ATP6V1B2: variants seen among roughly 807,000 people sequenced by gnomAD.
ATP6V1B2 encodes ATPase H+ transporting V1 subunit B2.
ATP6V1B2 carries 23 observed loss-of-function variants against 66.7 expected under a neutral mutation model. That is an observed-to-expected ratio of 0.34 (90% CI 0.25 to 0.49). The LOEUF (loss-of-function observed/expected upper bound fraction) is 0.49, where lower values mean the gene tolerates loss of function less well. Among genes scored for constraint, ATP6V1B2 ranks in the 20% least tolerant of loss-of-function variants. ATP6V1B2 has a pLI of 0.99. For missense variants in ATP6V1B2, 478 were observed against 650.8 expected, an observed-to-expected ratio of 0.73 and a Z score of 2.89; for synonymous variants, 278 against 236.7, an observed-to-expected ratio of 1.17 and a Z score of -1.60.
At chr8:20,200,937 T>C (rs999271415) in intron 1 of ATP6V1B2, among the ~76,000 whole-genome samples, 2 of 152,256 alleles carry the variant, frequency 1.3e-5, no homozygotes, top group African/African-American at 4.8e-5. Context: ...ACACTTATTA[T>C]GCAATGGCTG....
In ATP6V1B2 at chr8:20,212,913, G is replaced by T. The variant is rs1418327990; in HGVS notation, c.927+8G>T. The T allele has an allele frequency of 3.7e-6, 6 of 1,612,932 alleles. No homozygotes were observed. In the South Asian group the frequency reaches 6.6e-5, roughly 18 times the overall value. ...GCTGAAGCACTTCGAGAGGTAAGTT[G>T]TTCATGTTTTTCCCTCAGTTAAACA... On this transcript the variant is annotated splice_region_variant and intron_variant, in intron 9 of 13. Transcript: ENST00000276390.
intron 12 of ATP6V1B2, among the ~76,000 whole-genome samples, chr8:20,217,634 A>G (rs2128886712): frequency 6.6e-6 from 1 of 152,300 alleles, no homozygotes; most frequent in East Asian, 1.9e-4. Flanking sequence ...GTATTCCTGA[A>G]AGGCTACTCT....
rs534020288 is a variant in ATP6V1B2 at position 20,215,041 on chromosome 8, G to T, written c.1078+73G>T. On this transcript the variant is annotated intron_variant, in intron 10 of 13. Transcript: ENST00000276390. The stretch of plus-strand genomic sequence containing the variant: ...AGAGAAGACCCATCTACCTTTTCGA[G>T]TTGAAGTTATTTTGAGAACACATCC... 12 of 1,446,242 alleles carry T rather than the reference G, an allele frequency of 8.3e-6. No individual in the cohort carries two copies. The African/African-American group carries it at 1.3e-4, about 16-fold the overall frequency. 89.6% of individuals were successfully genotyped at this position (1,446,242 alleles called of 1,614,324 possible).
chr8:20,212,272 A>G (rs1267505101), intron 8 of ATP6V1B2, 73 bp downstream of exon 8: 2 of 1,413,832 alleles, frequency 1.4e-6, no homozygotes, highest in East Asian at 4.7e-5. Context: ...TGGGGAGGTA[A>G]AATGTGGTAA....
chr8:20,197,714 A>G (rs1437570010), intron 1 of ATP6V1B2, among the ~76,000 whole-genome samples, 172 bp downstream of exon 1: 1 of 152,018 alleles, frequency 6.6e-6, no homozygotes, highest in Non-Finnish European at 1.5e-5. Context: ...TGTACCTAAT[A>G]TTTCCAGGAG....
At chr8:20,199,428 G>A (rs1011396229) in intron 1 of ATP6V1B2, among the ~76,000 whole-genome samples, 2 of 152,016 alleles carry the variant, frequency 1.3e-5, no homozygotes, top group African/African-American at 2.4e-5. Flanking sequence ...TGAAATGCCC[G>A]GTCGAGTTGA....
intron 6 of ATP6V1B2, 150 bp downstream of exon 6, chr8:20,211,466 G>A: frequency 7.7e-7 from 1 of 1,304,604 alleles, no homozygotes; most frequent in Non-Finnish European, 1.0e-6. Context: ...CTTTATTTCT[G>A]CACATGTCTT....
chr8:20,204,337 A>T (rs1374375196), intron 1 of ATP6V1B2, 147 bp from the exon 2 acceptor site: 1 of 633,060 alleles, frequency 1.6e-6, no homozygotes, highest in African/African-American at 1.9e-5. Flanking sequence ...TGTAGTTTAT[A>T]AATGCATTGA....
intron 1 of ATP6V1B2, 133 bp from the exon 2 acceptor site, chr8:20,204,351 A>G (rs754786411): frequency 2.8e-6 from 2 of 723,454 alleles, no homozygotes; most frequent in Non-Finnish European, 4.5e-6. Flanking sequence ...GCATTGAAAA[A>G]TTTTGTAGCT....
intron 12 of ATP6V1B2, among the ~76,000 whole-genome samples, chr8:20,217,805 C>G (rs1352829110): frequency 6.6e-6 from 1 of 152,008 alleles, no homozygotes; most frequent in Non-Finnish European, 1.5e-5. Flanking sequence ...GTAAACTTAG[C>G]GATATCACAG....
At position 20,220,594 on chromosome 8, in the gene ATP6V1B2, T is replaced by G; in HGVS notation, c.*192T>G. ...GCTAACAGACCTTAAAATATCCCCC[T>G]ACCTGGGTCCTCAGTGCTATGTTTA... On this transcript the variant is annotated 3_prime_UTR_variant, in exon 14 of 14. Transcript: ENST00000276390. 2.6e-6 allele frequency: 2 copies of G among 765,154 alleles called. No homozygotes were observed. The highest frequency in any genetic ancestry group is 3.8e-6 in the Non-Finnish European group (2 of 527,486). 47.4% of individuals were successfully genotyped at this position (765,154 alleles called of 1,614,324 possible). A position where few individuals can be genotyped will look rare whatever the true frequency, so the allele number is the denominator to read the frequency against.
Position 20,211,313 on chromosome 8 carries a change from T to G in ATP6V1B2, c.600T>G (p.Asn200Lys). ...TCTCTGCTGCTGGGCTACCACACAATGAGGTGAGGACTGGGATCGGTTTGC... is the reference window on the plus strand; with the variant it reads ...TCTCTGCTGCTGGGCTACCACACAAGGAGGTGAGGACTGGGATCGGTTTGC... ...PIFSAAGLPH[N>K]EIAAQICRQA... Residue 200 changes from asparagine (N) to lysine (K), a missense_variant, in exon 6 of 14, where the codon AAT becomes AAG. This residue lies in a region of ATP6V1B2 where 326 missense variants were observed against 545.6 expected (regional missense o/e 0.60). Transcript: ENST00000276390. 1 of 1,612,706 alleles carries G rather than the reference T, an allele frequency of 6.2e-7. No individual in the cohort carries two copies. Among genetic ancestry groups the G allele is most frequent in the Non-Finnish European group, 8.5e-7 (1 of 1,179,598 alleles).
intron 6 of ATP6V1B2, 82 bp from the exon 7 acceptor site, chr8:20,211,570 C>T: frequency 6.9e-7 from 1 of 1,445,992 alleles, no homozygotes; most frequent in South Asian, 1.3e-5. Flanking sequence ...GATTACGATT[C>T]CAAAAAGTTT....
rs1221516993 is a variant in ATP6V1B2, at chr8:20,211,651, G to C, written c.604-1G>C. The C allele has an allele frequency of 6.2e-7, 1 of 1,604,948 alleles. No individual in the cohort carries two copies. The highest frequency in any genetic ancestry group is 1.3e-5 in the African/African-American group (1 of 74,386). ...CTGAATTCTTCTACTTTGTTCATCA[G>C]ATTGCAGCTCAGATCTGTCGCCAGG... On this transcript the variant is annotated splice_acceptor_variant, in intron 6 of 13. Transcript: ENST00000276390. LOFTEE classifies it high-confidence loss of function.
intron 13 of ATP6V1B2, among the ~76,000 whole-genome samples, chr8:20,219,203 G>A (rs1248921171): frequency 6.6e-6 from 1 of 152,146 alleles, no homozygotes; most frequent in African/African-American, 2.4e-5. Context: ...CAGAGATTTT[G>A]CATTTCTGTG....
chr8:20,200,893 GT>G (rs1013388506), intron 1 of ATP6V1B2, among the ~76,000 whole-genome samples: 1 of 152,146 alleles, frequency 6.6e-6, no homozygotes, highest in Non-Finnish European at 1.5e-5. Flanking sequence ...CTGGGTTTTT[GT>G]TTTGCTAATA....
At chr8:20,210,479 C>A (rs750323704) in intron 4 of ATP6V1B2, 40 bp downstream of exon 4, 2 of 1,607,136 alleles carry the variant, frequency 1.2e-6, no homozygotes, top group Middle Eastern at 1.7e-4. Context: ...GATCTGTTTC[C>A]TTTTAAACAT....
At chr8:20,213,593 G>T (rs563463839) in intron 9 of ATP6V1B2, 1 of 152,496 alleles carries the variant, frequency 6.6e-6, no homozygotes, top group Admixed American at 6.5e-5. Context: ...TTGAGGCTGC[G>T]GTGGGCTATG....
chr8:20,219,874 A>G (rs2072891342), intron 13 of ATP6V1B2, among the ~76,000 whole-genome samples: 2 of 152,298 alleles, frequency 1.3e-5, no homozygotes, highest in African/African-American at 4.8e-5. Flanking sequence ...CATCTGTGTT[A>G]GTCGCCTTCA....
Sources: allele counts gnomAD v4.1 joint callset (sites outside exome capture counted in the v4.1 genomes callset), GRCh38; gene constraint gnomAD v4.1.1; regional missense constraint gnomAD v4.1.1; transcripts MANE v1.5; gene names NCBI Gene and HGNC (gene_info 2026-07-23, HGNC 2026-07-21).